USP43: variants seen among roughly 807,000 people sequenced by gnomAD.
The protein encoded by USP43 is ubiquitin carboxyl-terminal hydrolase 43.
A neutral mutation model predicts 90.7 loss-of-function variants in USP43; 33 were observed. The observed-to-expected ratio is 0.36, with a 90% CI of 0.28 to 0.49. The LOEUF is 0.49. Among genes scored for constraint, USP43 ranks in the 20% least tolerant of loss-of-function variants. The probability of loss-of-function intolerance (pLI) is 0.98; values close to 1 mark genes in which losing one functional copy is unlikely to be tolerated. For synonymous variants in USP43, 598 were observed against 615.8 expected, an observed-to-expected ratio of 0.97 and a Z score of 0.43; for missense variants, 1,274 against 1,476.4, an observed-to-expected ratio of 0.86 and a Z score of 2.25.
intron 14 of USP43, among the ~76,000 whole-genome samples, chr17:9,725,954 C>T (rs370149054): frequency 1.3e-3 from 200 of 152,276 alleles, no homozygotes; most frequent in African/African-American, 4.3e-3. Context: ...CCCCACCCCC[C>T]GAGGGCTGGG....
rs1913660243 is a variant in USP43, at chr17:9,674,828, G to A, written c.741-63G>A. 1 of 1,380,880 alleles carries A rather than the reference G, an allele frequency of 7.2e-7. No homozygotes were observed. Among genetic ancestry groups the A allele is most frequent in the Non-Finnish European group, 1.0e-6 (1 of 969,260 alleles). 85.5% of individuals were successfully genotyped at this position (1,380,880 alleles called of 1,614,324 possible). Reference sequence around the variant, plus strand: ...GGAAATGCAAGGATAATTCTGTATTGAATTTTACCCCCAAATTGTTTACGT... The same window carrying A: ...GGAAATGCAAGGATAATTCTGTATTAAATTTTACCCCCAAATTGTTTACGT... On this transcript the variant is annotated intron_variant, in intron 3 of 14. Coordinates refer to ENST00000285199, the MANE Select transcript of USP43 (RefSeq NM_153210.5). This position sits in a 1 kb window ranked among gnomAD's most constrained non-coding sequence, Gnocchi z 4.4.
Position 9,645,696 on chromosome 17 carries a change from C to T in USP43, c.64C>T (p.Arg22Cys). The change falls in exon 1 of 15, where the codon CGC (arginine) becomes TGC (cysteine). Residue 22 changes from arginine (R) to cysteine (C), a missense_variant. Coordinates refer to ENST00000285199, the MANE Select transcript of USP43 (RefSeq NM_153210.5). This position sits in a 1 kb window ranked among gnomAD's most constrained non-coding sequence, Gnocchi z 6.8. ...GCTCGCGCCCCGGCCCCGCCGCCGC[C>T]GCTCCCTGCGCCGCCTGTTCAGCCG... ...GPLAPRPRRRRSLRRLFSRFL... is the reference protein window; with the variant it reads ...GPLAPRPRRRCSLRRLFSRFL... The T allele has an allele frequency of 7.7e-7, 1 of 1,301,914 alleles. No homozygotes were observed. The highest frequency in any genetic ancestry group is 9.7e-7 in the Non-Finnish European group (1 of 1,031,844). The allele number at this position is 1,301,914 out of a possible 1,614,324, so 80.6% of individuals were successfully genotyped here.
intron 9 of USP43, among the ~76,000 whole-genome samples, chr17:9,699,248 T>G (rs565336656): frequency 6.6e-6 from 1 of 152,298 alleles, no homozygotes; most frequent in East Asian, 1.9e-4. Flanking sequence ...GGCAGCATGG[T>G]TCTCCCCGTC....
At chr17:9,721,649 T>C (rs1916957246) in intron 14 of USP43, among the ~76,000 whole-genome samples, 1 of 152,090 alleles carries the variant, frequency 6.6e-6, no homozygotes, top group Admixed American at 6.6e-5. Flanking sequence ...AAGTCCCCTA[T>C]GTCTTTAAAT....
At chr17:9,705,414 A>G (rs1256304572) in intron 12 of USP43, among the ~76,000 whole-genome samples, 1 of 152,114 alleles carries the variant, frequency 6.6e-6, no homozygotes, top group Admixed American at 6.6e-5. Flanking sequence ...AATTTATTAA[A>G]TACTCTGTAG....
Position 9,646,277 on chromosome 17 carries a change from T to A in USP43, c.504+141T>A, listed in dbSNP as rs535112654. The A allele has an allele frequency of 7.1e-6, 8 of 1,133,856 alleles. No homozygotes were observed. In the South Asian group the frequency reaches 1.8e-4, roughly 25 times the overall value. 70.2% of individuals were successfully genotyped at this position (1,133,856 alleles called of 1,614,324 possible). A position where few individuals can be genotyped will look rare whatever the true frequency, so the allele number is the denominator to read the frequency against. Reference sequence around the variant, plus strand: ...CAGCCCCGGATTACCGGCTTTGTTTTGAGTCGATGTGTTACGCTGTCGCTT... The same window carrying A: ...CAGCCCCGGATTACCGGCTTTGTTTAGAGTCGATGTGTTACGCTGTCGCTT... On this transcript the variant is annotated intron_variant, in intron 1 of 14. Transcript: ENST00000285199.
chr17:9,720,321 C>CA (rs980644442), intron 14 of USP43, among the ~76,000 whole-genome samples: 1,261 of 43,086 alleles, frequency 0.029, 43 homozygotes, highest in East Asian at 0.053. Flanking sequence ...GACTCCATCT[C>CA]AAAAAAAAAA....
chr17:9,727,993 G>A lies in USP43; in HGVS notation c.2375G>A (p.Gly792Asp). The A allele has an allele frequency of 6.2e-7, 1 of 1,611,936 alleles. No homozygotes were observed. The highest frequency in any genetic ancestry group is 8.5e-7 in the Non-Finnish European group (1 of 1,178,254). Residue 792 changes from glycine (G) to aspartate (D), a missense_variant, in exon 15 of 15, where the codon GGC becomes GAC. Gly to Asp is a moderately conservative substitution (Grantham distance 94). Coordinates refer to ENST00000285199, the MANE Select transcript of USP43 (RefSeq NM_153210.5). Reference sequence around the variant, plus strand: ...AGGCGTTTGGTACGGGGCGTGAAAGGCAGAAGCATTAGCATGAAGGCACCC... The same window carrying A: ...AGGCGTTTGGTACGGGGCGTGAAAGACAGAAGCATTAGCATGAAGGCACCC... Reference protein sequence around the residue: ...EPRRLVRGVKGRSISMKAPTT... With the variant: ...EPRRLVRGVKDRSISMKAPTT...
intron 2 of USP43, among the ~76,000 whole-genome samples, chr17:9,661,296 CACTG>C (rs557124774): frequency 7.5e-4 from 114 of 152,292 alleles, no homozygotes; most frequent in African/African-American, 2.6e-3. Flanking sequence ...ATATATTAAA[CACTG>C]ACTATGTGCA....
At chr17:9,683,435 A>G (rs1267501244) in intron 7 of USP43, among the ~76,000 whole-genome samples, 3 of 151,484 alleles carry the variant, frequency 2.0e-5, no homozygotes, top group Non-Finnish European at 4.4e-5. Flanking sequence ...ACATTAAGAT[A>G]TATTTAGATG....
At chr17:9,717,360 AGTGTGT>A (rs56058514) in intron 14 of USP43, among the ~76,000 whole-genome samples, 129 of 145,636 alleles carry the variant, frequency 8.9e-4, no homozygotes, top group Non-Finnish European at 5.5e-4. Flanking sequence ...GCTTGGGCAC[AGTGTGT>A]GTGTGTGTGT....
At chr17:9,663,539 C>T (rs540060926) in intron 2 of USP43, among the ~76,000 whole-genome samples, 104 of 152,250 alleles carry the variant, frequency 6.8e-4, no homozygotes, top group Non-Finnish European at 1.2e-3. Flanking sequence ...CTCAGGTGAT[C>T]CACCCGCCTC....
intron 2 of USP43, among the ~76,000 whole-genome samples, chr17:9,663,187 T>A (rs1043606915): frequency 2.0e-5 from 3 of 152,146 alleles, no homozygotes; most frequent in African/African-American, 7.2e-5. Context: ...ACTGTCATTA[T>A]CCCTTTATTA....
In USP43 at chr17:9,709,881, A is replaced by G; in HGVS notation, c.2012-75A>G. The G allele has an allele frequency of 7.5e-7, 1 of 1,334,834 alleles. No homozygotes were observed. Among genetic ancestry groups the G allele is most frequent in the Non-Finnish European group, 9.7e-7 (1 of 1,032,080 alleles). The allele number at this position is 1,334,834 out of a possible 1,614,324, so 82.7% of individuals were successfully genotyped here. ...TCTGGTTTAAACATACCGCTTTTTC[A>G]GCTATGCCAGTGGGAAATGTCTTCC... On this transcript the variant is annotated intron_variant, in intron 12 of 14. Transcript: ENST00000285199. The surrounding 1 kb of genome is among the most constrained non-coding windows in gnomAD (Gnocchi z 5.0).
intron 4 of USP43, among the ~76,000 whole-genome samples, 154 bp from the exon 5 acceptor site, chr17:9,676,592 G>A (rs547944149): frequency 2.0e-5 from 3 of 152,206 alleles, no homozygotes; most frequent in Admixed American, 1.3e-4. Context: ...GGCTAGTCTC[G>A]AACTCTTGAC....
chr17:9,698,275 G>T (rs1014308066), intron 9 of USP43, among the ~76,000 whole-genome samples: 8 of 152,118 alleles, frequency 5.3e-5, no homozygotes, highest in African/African-American at 1.7e-4. Context: ...CATCCTGTAG[G>T]CTGCCTCTTT....
At chr17:9,703,249 G>A (rs1301501509) in intron 12 of USP43, among the ~76,000 whole-genome samples, 1 of 152,010 alleles carries the variant, frequency 6.6e-6, no homozygotes, top group Non-Finnish European at 1.5e-5. Context: ...TGAAAATAAG[G>A]ACAGCTGGAA....
In USP43 at chr17:9,689,089, C is replaced by T. The variant is rs370122817; in HGVS notation, c.1353+2180C>T. On this transcript the variant is annotated intron_variant, in intron 8 of 14. Coordinates refer to ENST00000285199, the MANE Select transcript of USP43 (RefSeq NM_153210.5). ...CCACAGATGCTTTTTCACAGATTCA[C>T]GGGTGAATGTATGGTCAGACATGCT... Among the ~76,000 whole-genome samples, 8 of 152,288 alleles carry T rather than the reference C, an allele frequency of 5.3e-5. No homozygotes were observed. In the South Asian group the frequency reaches 1.5e-3, roughly 28 times the overall value.
rs903296341 is a variant in USP43 at position 9,666,648 on chromosome 17, C to G, written c.637C>G (p.Leu213Val). 5.6e-6 allele frequency: 9 copies of G among 1,611,422 alleles called. No homozygotes were observed. Among genetic ancestry groups the G allele is most frequent in the Middle Eastern group, 1.7e-4 (1 of 6,058 alleles). ...GSSRGPVSEKLPPEATKTSEN... is the reference protein window; with the variant it reads ...GSSRGPVSEKVPPEATKTSEN... Reference sequence around the variant, plus strand: ...GCTTCCTTTCCTCATTTCTTTGCAGCTTCCGCCTGAAGCCACTAAAACCTC... The same window carrying G: ...GCTTCCTTTCCTCATTTCTTTGCAGGTTCCGCCTGAAGCCACTAAAACCTC... Residue 213 changes from leucine (L) to valine (V), a missense_variant and splice_region_variant, in exon 3 of 15, where the codon CTT (leucine) becomes GTT (valine). Around this residue, in one of 6 missense-constraint regions of USP43, gnomAD observed 259 missense variants for 373.7 expected, o/e 0.69. Coordinates refer to ENST00000285199, the MANE Select transcript of USP43 (RefSeq NM_153210.5).
Sources: allele counts gnomAD v4.1 joint callset (sites outside exome capture counted in the v4.1 genomes callset), GRCh38; gene constraint gnomAD v4.1.1; regional missense constraint gnomAD v4.1.1; non-coding constraint Gnocchi (gnomAD v3.1); transcripts MANE v1.5; gene names NCBI Gene and HGNC (gene_info 2026-07-23, HGNC 2026-07-21).